Variants in TPM1 observed in about 807,000 individuals in gnomAD.
The protein encoded by TPM1 is tropomyosin 1.
TPM1 carries 24 observed loss-of-function variants against 42.9 expected under a neutral mutation model. That is an observed-to-expected ratio of 0.56 (90% CI 0.41 to 0.79). The LOEUF is 0.79. Among genes scored for constraint, TPM1 ranks in the 30% least tolerant of loss-of-function variants. The pLI, the probability that TPM1 is intolerant of heterozygous loss-of-function variation, is 0.00. For missense variants in TPM1, 158 were observed against 351.8 expected (o/e 0.45, Z 4.41); for synonymous variants, 136 against 130.1 (o/e 1.05, Z -0.31).
chr15:63,063,138 T>C, intron 8 of TPM1: 2 of 982,428 alleles, frequency 2.0e-6, no homozygotes, highest in Non-Finnish European at 2.4e-6. Context: ...GGAAAAATTA[T>C]ACTTAAGCAT....
chr15:63,042,907 G>A lies in TPM1; in HGVS notation c.78G>A (p.Glu26=), dbSNP rs777981114. ...CCTTGGATCGAGCTGAGCAGGCGGA[G>A]GCCGACAAGAAGGCGGCGGAAGACA... ...ENALDRAEQA[E]ADKKAAEDRS... Residue 26 remains glutamate, a synonymous_variant, in exon 1 of 10, where the codon GAG becomes GAA. Coordinates refer to ENST00000403994, the MANE Select transcript of TPM1 (RefSeq NM_001018005.2). 1.9e-6 allele frequency: 3 copies of A among 1,610,790 alleles called. No homozygotes were observed. The highest frequency in any genetic ancestry group is 1.3e-5 in the African/African-American group (1 of 75,006).
At chr15:63,061,610 G>C in intron 5 of TPM1, 103 bp from the exon 6 acceptor site, 1 of 1,127,774 alleles carries the variant, frequency 8.9e-7, no homozygotes, top group Non-Finnish European at 1.4e-6. Flanking sequence ...GCAGCCCTTC[G>C]TCTCTAGGAC....
chr15:63,049,042 C>G (rs1356449617), intron 2 of TPM1: 4 of 330,964 alleles, frequency 1.2e-5, no homozygotes, highest in Non-Finnish European at 2.3e-5. Context: ...GGGAGGTGCA[C>G]TTTGCGCTGC....
chr15:63,053,031 G>A (rs1367923568), intron 2 of TPM1, among the ~76,000 whole-genome samples: 1 of 152,172 alleles, frequency 6.6e-6, no homozygotes, highest in Non-Finnish European at 1.5e-5. Flanking sequence ...ACTACTCCTA[G>A]GTCCTGGCTT....
At chr15:63,044,208 G>T (rs1204251561) in intron 2 of TPM1, 56 bp downstream of exon 2, 1 of 1,613,578 alleles carries the variant, frequency 6.2e-7, no homozygotes, top group Non-Finnish European at 8.5e-7. Flanking sequence ...CCACTCCGGG[G>T]TCACCACAGG....
At chr15:63,048,734 G>A in intron 2 of TPM1, 1 of 1,526,236 alleles carries the variant, frequency 6.6e-7, no homozygotes, top group South Asian at 1.2e-5. Context: ...TCACCCCGCA[G>A]CCCCCAGAGG....
At chr15:63,065,791 TC>T in intron 9 of TPM1, 104 bp from the exon 10 acceptor site, 1 of 1,424,756 alleles carries the variant, frequency 7.0e-7, no homozygotes, top group Non-Finnish European at 9.5e-7. Context: ...CTGCTTCTTG[TC>T]TGTGTTTCAA....
downstream of TPM1, among the ~76,000 whole-genome samples, chr15:63,069,678 A>G (rs940765467): frequency 1.3e-5 from 2 of 152,128 alleles, no homozygotes; most frequent in African/African-American, 2.4e-5. Flanking sequence ...TAAGTCTACC[A>G]AGCTTTTTAG....
chr15:63,048,196 G>A (rs762854109), intron 2 of TPM1: 4 of 458,950 alleles, frequency 8.7e-6, no homozygotes, highest in South Asian at 4.7e-5. Flanking sequence ...CCACCGCGCC[G>A]CGGAGGGGCC....
chr15:63,052,598 T>C lies in TPM1; in HGVS notation c.241-4387T>C, dbSNP rs1157845816. ...TTTACATGCCTGCAAATAATTTGTG[T>C]CTGGGGTCTTGACCCTCCCCAAATG... On this transcript the variant is annotated intron_variant, in intron 2 of 9. Transcript: ENST00000403994. Among the ~76,000 whole-genome samples, 5 of 152,248 alleles carry C rather than the reference T, an allele frequency of 3.3e-5. No homozygotes were observed. The East Asian group carries it at 9.6e-4, about 29-fold the overall frequency.
At position 63,051,440 on chromosome 15, in the gene TPM1, C is replaced by T. The variant is rs191277926; in HGVS notation, c.241-5545C>T. Among the ~76,000 whole-genome samples, 163 of 151,994 alleles carry T rather than the reference C, an allele frequency of 1.1e-3. 1 individual carries two copies. The highest frequency in any genetic ancestry group is 6.6e-3 in the Admixed American group (101 of 15,250). ...TGCCTTGTTCATGTCTGTTCTCCCT[C>T]ATTATACAAATATGCTTCATAAATT... is the stretch of plus-strand genomic sequence containing the variant. On this transcript the variant is annotated intron_variant, in intron 2 of 9. Transcript: ENST00000403994.
rs2031411713 is a variant in TPM1, at chr15:63,042,787, C to A, written c.-43C>A. 1.3e-6 allele frequency: 2 copies of A among 1,564,550 alleles called. No individual in the cohort carries two copies. The highest frequency in any genetic ancestry group is 4.5e-5 in the East Asian group (2 of 44,236). On this transcript the variant is annotated 5_prime_UTR_variant, in exon 1 of 10. Coordinates refer to ENST00000403994, the MANE Select transcript of TPM1 (RefSeq NM_001018005.2). ...CCTCCGCCCGACCGCGCGCTCGCCCCGCCGCTCCTGCTGCAGCCCCAGGGC... is the reference window on the plus strand; with the variant it reads ...CCTCCGCCCGACCGCGCGCTCGCCCAGCCGCTCCTGCTGCAGCCCCAGGGC...
intron 4 of TPM1, among the ~76,000 whole-genome samples, chr15:63,060,495 G>A (rs1405477634): frequency 6.6e-6 from 1 of 152,164 alleles, no homozygotes; most frequent in Non-Finnish European, 1.5e-5. Flanking sequence ...GAGTTCTTAG[G>A]TTTACTTTGT....
intron 8 of TPM1, chr15:63,063,738 C>T (rs2035954351): frequency 3.6e-6 from 1 of 281,498 alleles, no homozygotes; most frequent in Admixed American, 4.8e-5. Context: ...GCCCCTGCCT[C>T]CCCTCACCAG....
chr15:63,063,617 G>T (rs1220617950), intron 8 of TPM1, among the ~76,000 whole-genome samples: 1 of 152,152 alleles, frequency 6.6e-6, no homozygotes, highest in African/African-American at 2.4e-5. Context: ...GTCACAAATT[G>T]TTCTTCCAAA....
At chr15:63,068,088 C>G (rs887441833), downstream of TPM1, among the ~76,000 whole-genome samples, 2 of 152,216 alleles carry the variant, frequency 1.3e-5, no homozygotes, top group African/African-American at 4.8e-5. Flanking sequence ...GACAAGCTCC[C>G]CACCCATGGC....
chr15:63,063,370 C>G (rs2035903213), intron 8 of TPM1: 1 of 985,304 alleles, frequency 1.0e-6, no homozygotes, highest in African/African-American at 1.7e-5. Flanking sequence ...GCAAAATGAT[C>G]TGCCAAAGTG....
chr15:63,062,754 G>T, intron 8 of TPM1, 109 bp downstream of exon 8: 2 of 1,586,860 alleles, frequency 1.3e-6, no homozygotes, highest in Non-Finnish European at 1.7e-6. Flanking sequence ...CTTTGCACTT[G>T]CACATTCTTC....
rs1312351880 is a variant in TPM1, at chr15:63,059,553, T to G, written c.375-10T>G. On this transcript the variant is annotated splice_polypyrimidine_tract_variant and intron_variant, in intron 3 of 9. Transcript: ENST00000403994. ...AAATCTTGGGTTTTCTTGCTTGTCT[T>G]TCTTTTCAGAGGCATGAAAGTCATT... The G allele has an allele frequency of 6.2e-7, 1 of 1,604,694 alleles. No individual in the cohort carries two copies. Among genetic ancestry groups the G allele is most frequent in the Admixed American group, 1.7e-5 (1 of 59,808 alleles).
Sources: allele counts gnomAD v4.1 joint callset (sites outside exome capture counted in the v4.1 genomes callset), GRCh38; gene constraint gnomAD v4.1.1; transcripts MANE v1.5; gene names NCBI Gene and HGNC (gene_info 2026-07-23, HGNC 2026-07-21).